The following DCUN1D1 variants were observed in gnomAD, a reference collection of about 807,000 sequenced individuals.
The protein encoded by DCUN1D1 is DCN1-like protein 1.
DCUN1D1 carries 3 observed loss-of-function variants against 39.0 expected under a neutral mutation model. The observed-to-expected ratio is 0.08, with a 90% confidence interval of 0.04 to 0.20. The LOEUF (loss-of-function observed/expected upper bound fraction) is 0.20, where lower values mean the gene tolerates loss of function less well. Ranked by LOEUF, DCUN1D1 falls within the 10% of genes least tolerant of loss-of-function variation. DCUN1D1 has a pLI of 1.00. For synonymous variants in DCUN1D1, 82 were observed against 96.3 expected (o/e 0.85, Z 0.87); for missense variants, 158 against 302.4 (o/e 0.52, Z 3.54).
chr3:182,982,559 C>T (rs1009625918), upstream of DCUN1D1, among the ~76,000 whole-genome samples: 5 of 152,150 alleles, frequency 3.3e-5, no homozygotes, highest in African/African-American at 9.7e-5. Flanking sequence ...CCCCTTACTC[C>T]GCATCTCACC....
chr3:182,982,319 C>CA (rs958531259), upstream of DCUN1D1, among the ~76,000 whole-genome samples: 3 of 152,222 alleles, frequency 2.0e-5, no homozygotes, highest in African/African-American at 7.2e-5. Flanking sequence ...CAGCCTGTGT[C>CA]ACGCTGTCAC....
At chr3:182,974,903 T>C (rs1560181932) in intron 1 of DCUN1D1, among the ~76,000 whole-genome samples, 1 of 152,156 alleles carries the variant, frequency 6.6e-6, no homozygotes, top group South Asian at 2.1e-4. Context: ...TTTTGCTTTT[T>C]CTTGTGGGGG....
At chr3:182,957,108 G>A (rs1727113706) in intron 4 of DCUN1D1, among the ~76,000 whole-genome samples, 1 of 152,200 alleles carries the variant, frequency 6.6e-6, no homozygotes, top group Non-Finnish European at 1.5e-5. Context: ...AATGATAGAA[G>A]TAATAAAGAC....
chr3:182,979,529 C>G (rs1259010392), intron 1 of DCUN1D1, among the ~76,000 whole-genome samples: 1 of 151,942 alleles, frequency 6.6e-6, no homozygotes, highest in East Asian at 1.9e-4. Flanking sequence ...GAGCGTCCAG[C>G]AGAGTCAGGT....
chr3:182,964,320 AG>A (rs962544728), intron 2 of DCUN1D1, among the ~76,000 whole-genome samples: 25 of 152,364 alleles, frequency 1.6e-4, no homozygotes, highest in African/African-American at 5.8e-4. Context: ...ATACACATTC[AG>A]AAAATCAGAC....
At chr3:182,949,862 C>G (rs1030435607) in intron 4 of DCUN1D1, among the ~76,000 whole-genome samples, 5 of 152,202 alleles carry the variant, frequency 3.3e-5, no homozygotes, top group African/African-American at 4.8e-5. Flanking sequence ...GACTGAAATA[C>G]ACAGTAGGCA....
At chr3:182,950,637 C>G (rs990285000) in intron 4 of DCUN1D1, 17 of 152,042 alleles carry the variant, frequency 1.1e-4, no homozygotes, top group African/African-American at 3.9e-4. Context: ...AAATAGCACT[C>G]AGAGTCTTCT....
chr3:182,953,755 G>A (rs1222324901), intron 4 of DCUN1D1, among the ~76,000 whole-genome samples: 2 of 151,986 alleles, frequency 1.3e-5, no homozygotes, highest in Non-Finnish European at 2.9e-5. Flanking sequence ...TAAATGGAAG[G>A]CAAATATAGA....
At chr3:182,982,938 C>T (rs1358568808), upstream of DCUN1D1, among the ~76,000 whole-genome samples, 1 of 152,206 alleles carries the variant, frequency 6.6e-6, no homozygotes, top group Non-Finnish European at 1.5e-5. Context: ...GCCACCGCGC[C>T]TGGCCAGCCA....
rs548758395 is a variant in DCUN1D1 at position 182,949,467 on chromosome 3, C to T, written c.521-1835G>A. Among the ~76,000 whole-genome samples, 43 of 152,214 alleles carry T rather than the reference C, an allele frequency of 2.8e-4. No homozygotes were observed. In the South Asian group the frequency reaches 8.7e-3, roughly 31 times the overall value. Reference sequence around the variant, plus strand: ...GCATGCAGTGGCTCATGCCTGTAATCCCATCACTCTGGGAAGCTGAGGCGA... The same window carrying T: ...GCATGCAGTGGCTCATGCCTGTAATTCCATCACTCTGGGAAGCTGAGGCGA... On this transcript the variant is annotated intron_variant, in intron 4 of 6. Coordinates refer to ENST00000292782, the MANE Select transcript of DCUN1D1 (RefSeq NM_020640.4).
intron 6 of DCUN1D1, among the ~76,000 whole-genome samples, chr3:182,946,954 T>C (rs1726441568): frequency 6.6e-6 from 1 of 151,934 alleles, no homozygotes; most frequent in South Asian, 2.1e-4. Context: ...ATTAAGAAAT[T>C]AGTCAGGCAT....
chr3:182,946,774 T>C (rs867790954), intron 6 of DCUN1D1, among the ~76,000 whole-genome samples: 2 of 151,744 alleles, frequency 1.3e-5, no homozygotes, highest in Non-Finnish European at 2.9e-5. Flanking sequence ...CAGAAGAATA[T>C]GGATTGGTAA....
At chr3:182,963,342 G>A (rs1233797577) in intron 3 of DCUN1D1, among the ~76,000 whole-genome samples, 1 of 152,126 alleles carries the variant, frequency 6.6e-6, no homozygotes, top group Non-Finnish European at 1.5e-5. Context: ...AACAGAAAGG[G>A]CAGCTTGTTA....
chr3:182,976,440 TACATACACACAC>T (rs893495743), intron 1 of DCUN1D1, among the ~76,000 whole-genome samples: 10 of 93,076 alleles, frequency 1.1e-4, no homozygotes, highest in Admixed American at 2.7e-4. Flanking sequence ...TACATATACA[TACATACACACAC>T]ACACACACAC....
intron 5 of DCUN1D1, 92 bp downstream of exon 5, chr3:182,947,458 T>C (rs1015742553): frequency 1.8e-6 from 2 of 1,086,250 alleles, no homozygotes; most frequent in Admixed American, 4.7e-5. Flanking sequence ...TAATCAAATT[T>C]CTCATTCTAT....
chr3:182,970,757 A>G (rs1386795470), intron 1 of DCUN1D1, among the ~76,000 whole-genome samples: 1 of 152,262 alleles, frequency 6.6e-6, no homozygotes, highest in Non-Finnish European at 1.5e-5. Context: ...TGAAATTTAG[A>G]AGAGCTAGTT....
intron 4 of DCUN1D1, among the ~76,000 whole-genome samples, chr3:182,951,599 G>A (rs1204157235): frequency 2.1e-5 from 2 of 94,626 alleles, no homozygotes; most frequent in East Asian, 7.2e-4. Context: ...CTGGGTGACA[G>A]AGAGAGACCC....
intron 6 of DCUN1D1, among the ~76,000 whole-genome samples, chr3:182,946,348 G>T (rs1404252653): frequency 6.6e-6 from 1 of 152,012 alleles, no homozygotes; most frequent in Non-Finnish European, 1.5e-5. Flanking sequence ...ACAAGGTCAG[G>T]AGTTCAACAC....
intron 3 of DCUN1D1, among the ~76,000 whole-genome samples, chr3:182,962,303 G>A (rs1727439782): frequency 6.6e-6 from 1 of 152,110 alleles, no homozygotes; most frequent in African/African-American, 2.4e-5. Flanking sequence ...ATCCTTCTTT[G>A]CCCTACTTTG....
Sources: gnomAD v4.1 joint callset for allele counts (sites outside exome capture counted in the v4.1 genomes callset) on GRCh38, gnomAD v4.1.1 for gene constraint, MANE v1.5 for transcripts, NCBI Gene and HGNC (gene_info 2026-07-23, HGNC 2026-07-21) for gene names.